NAV3: variants seen among roughly 807,000 people sequenced by gnomAD.
The protein encoded by NAV3 is pore membrane and/or filament interacting like protein 1.
NAV3 carries 87 observed loss-of-function variants against 244.7 expected under a neutral mutation model. The ratio of observed to expected loss-of-function variants is 0.36; its 90% CI spans 0.30 to 0.42. The LOEUF (loss-of-function observed/expected upper bound fraction) is 0.42, where lower values mean the gene tolerates loss of function less well. NAV3 is among the 20% of genes least tolerant of loss of function. NAV3 has a pLI of 1.00. For missense variants in NAV3, 2,663 were observed against 2,893.3 expected, an observed-to-expected ratio of 0.92 and a Z score of 1.83; for synonymous variants, 1,126 against 1,042.2, an observed-to-expected ratio of 1.08 and a Z score of -1.55.
intron 2 of NAV3, among the ~76,000 whole-genome samples, chr12:77,779,096 T>A (rs752456998): frequency 1.4e-4 from 22 of 152,252 alleles, no homozygotes; most frequent in Non-Finnish European, 2.8e-4. Flanking sequence ...AATTTTGTTT[T>A]GTAATGACAC....
At chr12:77,640,705 A>G (rs570914351) in intron 2 of NAV3, among the ~76,000 whole-genome samples, 25 of 152,264 alleles carry the variant, frequency 1.6e-4, no homozygotes, top group Middle Eastern at 6.8e-3. Context: ...CTCTTATCAC[A>G]CATATAAAAT....
intron 2 of NAV3, among the ~76,000 whole-genome samples, chr12:77,718,291 G>A (rs965916725): frequency 8.6e-5 from 13 of 151,802 alleles, no homozygotes; most frequent in Non-Finnish European, 1.6e-4. Context: ...TTTTGCATGC[G>A]GATTTTCCAC....
chr12:77,977,712 G>GCGCACACA (rs1349366739), intron 5 of NAV3, among the ~76,000 whole-genome samples: 258 of 143,076 alleles, frequency 1.8e-3, no homozygotes, highest in Non-Finnish European at 2.7e-3. Flanking sequence ...ACACACACGC[G>GCGCACACA]CACACACACA....
At chr12:77,768,547 C>T (rs1385343664) in intron 2 of NAV3, among the ~76,000 whole-genome samples, 1 of 152,234 alleles carries the variant, frequency 6.6e-6, no homozygotes, top group Non-Finnish European at 1.5e-5. Context: ...GCACATCCAG[C>T]TGGAATGAAC....
intron 16 of NAV3, among the ~76,000 whole-genome samples, chr12:78,124,185 T>A (rs529233973): frequency 2.0e-3 from 304 of 152,282 alleles, no homozygotes; most frequent in Non-Finnish European, 3.1e-3. Flanking sequence ...TAGACATTAA[T>A]CCAAGATTCA....
At chr12:77,621,620 C>G (rs1172525350) in intron 2 of NAV3, among the ~76,000 whole-genome samples, 1 of 151,852 alleles carries the variant, frequency 6.6e-6, no homozygotes, top group Non-Finnish European at 1.5e-5. Flanking sequence ...GCTGTGGCAA[C>G]AGGCACAAGC....
At chr12:78,022,742 G>A (rs1276807694) in intron 9 of NAV3, among the ~76,000 whole-genome samples, 2 of 152,116 alleles carry the variant, frequency 1.3e-5, no homozygotes, top group African/African-American at 4.8e-5. Flanking sequence ...AAATTTGGGG[G>A]TTAAGAAACT....
chr12:78,200,625 TAAAA>T, intron 38 of NAV3, 34 bp downstream of exon 38: 1 of 1,036,808 alleles, frequency 9.6e-7, no homozygotes, highest in Non-Finnish European at 1.3e-6. Flanking sequence ...TATTTTTTTT[TAAAA>T]AAAAAAAGCA....
chr12:77,728,860 C>T (rs1311476903), intron 2 of NAV3, among the ~76,000 whole-genome samples: 1 of 13,134 alleles, frequency 7.6e-5, no homozygotes, highest in Non-Finnish European at 1.2e-4. Flanking sequence ...CTACCCGCTT[C>T]ACTTCTGCCT....
intron 24 of NAV3, among the ~76,000 whole-genome samples, chr12:78,170,509 G>A (rs1957957438): frequency 6.6e-6 from 1 of 151,676 alleles, no homozygotes; most frequent in African/African-American, 2.4e-5. Flanking sequence ...AGCCAGAATA[G>A]TCATTAAGAA....
intron 1 of NAV3, among the ~76,000 whole-genome samples, chr12:77,924,146 CTTTG>C (rs1391015048): frequency 1.3e-5 from 2 of 152,052 alleles, no homozygotes; most frequent in African/African-American, 2.4e-5. Context: ...AGTTGAGATG[CTTTG>C]TTATGTACAG....
intron 2 of NAV3, among the ~76,000 whole-genome samples, chr12:77,671,451 G>A (rs893855806): frequency 6.6e-6 from 1 of 152,000 alleles, no homozygotes; most frequent in Non-Finnish European, 1.5e-5. Flanking sequence ...AGTTTTCATA[G>A]CCAAAGCAAG....
In NAV3 at chr12:78,124,493, G is replaced by A. The variant is rs117285527; in HGVS notation, c.4238+2065G>A. On this transcript the variant is annotated intron_variant, in intron 16 of 39. Transcript: ENST00000397909. ...TTTTGAAATGGAGCCTCACTCTGTC[G>A]CCCAGGCTGGAGGGCAGTGGTGCCA... Among the ~76,000 whole-genome samples, 284 of 152,082 alleles carry A rather than the reference G, an allele frequency of 1.9e-3. 6 individuals are homozygous for A. The highest frequency in any genetic ancestry group is 0.015 in the Admixed American group (227 of 15,248).
chr12:77,882,244 G>A (rs1242964904), intron 1 of NAV3, among the ~76,000 whole-genome samples: 1 of 151,994 alleles, frequency 6.6e-6, no homozygotes, highest in Non-Finnish European at 1.5e-5. Context: ...ATAGAGCAAT[G>A]CAACATAATA....
intron 2 of NAV3, among the ~76,000 whole-genome samples, chr12:77,623,207 A>C (rs1871460911): frequency 6.6e-6 from 1 of 152,238 alleles, no homozygotes; most frequent in African/African-American, 2.4e-5. Flanking sequence ...TAACTGAAAA[A>C]AAATTGATTT....
chr12:77,715,451 A>G (rs929279735), intron 2 of NAV3, among the ~76,000 whole-genome samples: 1 of 151,962 alleles, frequency 6.6e-6, no homozygotes, highest in Non-Finnish European at 1.5e-5. Flanking sequence ...ACAAATGTTT[A>G]TTTATATATA....
At chr12:78,063,863 T>C (rs1383651046) in intron 12 of NAV3, among the ~76,000 whole-genome samples, 1 of 152,122 alleles carries the variant, frequency 6.6e-6, no homozygotes, top group Non-Finnish European at 1.5e-5. Context: ...ACTGGGAATG[T>C]GGACAAGGAG....
At chr12:77,826,220 T>G (rs1872993905), upstream of NAV3, among the ~76,000 whole-genome samples, 1 of 152,088 alleles carries the variant, frequency 6.6e-6, no homozygotes, top group African/African-American at 2.4e-5. Context: ...ATATAAATAT[T>G]TATAGGGACA....
chr12:77,824,932 A>G (rs1872912595), intron 2 of NAV3, among the ~76,000 whole-genome samples: 1 of 152,060 alleles, frequency 6.6e-6, no homozygotes, highest in Admixed American at 6.6e-5. Flanking sequence ...AACAAAGAAA[A>G]TCAAATAGCT....
Sources: gnomAD v4.1 joint callset for allele counts (sites outside exome capture counted in the v4.1 genomes callset) on GRCh38, gnomAD v4.1.1 for gene constraint, MANE v1.5 for transcripts, NCBI Gene and HGNC (gene_info 2026-07-23, HGNC 2026-07-21) for gene names.